Variants in QTMAN observed in about 807,000 individuals in gnomAD.
QTMAN encodes queuosine-tRNA mannosyltransferase.
At chr2:144,024,336 C>T in the QTMAN span, among the ~76,000 whole-genome samples, 1 of 152,198 alleles carries the variant, frequency 6.6e-6, no homozygotes, top group Non-Finnish European at 1.5e-5. Flanking sequence ...AGTACATGCT[C>T]GCTATACAGT....
chr2:144,270,733 G>T, the QTMAN span, among the ~76,000 whole-genome samples: 15 of 152,102 alleles, frequency 9.9e-5, no homozygotes, highest in Admixed American at 5.9e-4. Flanking sequence ...ATGATGGGTT[G>T]ATATAGGGCA....
the QTMAN span, among the ~76,000 whole-genome samples, chr2:144,067,896 C>T: frequency 6.6e-6 from 1 of 152,170 alleles, no homozygotes; most frequent in African/African-American, 2.4e-5. Context: ...GTGAGTGCCA[C>T]CCCCAAAGGG....
chr2:144,100,943 C>T, the QTMAN span, among the ~76,000 whole-genome samples: 1 of 138,700 alleles, frequency 7.2e-6, no homozygotes, highest in Non-Finnish European at 1.5e-5. Context: ...AATCTCAGCT[C>T]ACTGCAAGCT....
At chr2:143,941,086 T>C in the QTMAN span, 2 of 152,208 alleles carry the variant, frequency 1.3e-5, no homozygotes, top group African/African-American at 2.4e-5. Context: ...TGGTCTTGAC[T>C]ACTGCTCAAC....
chr2:144,202,752 G>A, the QTMAN span, among the ~76,000 whole-genome samples: 1 of 152,152 alleles, frequency 6.6e-6, no homozygotes, highest in Non-Finnish European at 1.5e-5. Flanking sequence ...ATATACAGGA[G>A]ATTTATCCTA....
the QTMAN span, among the ~76,000 whole-genome samples, chr2:144,225,071 A>G: frequency 6.6e-6 from 1 of 152,220 alleles, no homozygotes; most frequent in East Asian, 1.9e-4. Context: ...TTCCTTCTAG[A>G]ATTCAAGCTA....
the QTMAN span, among the ~76,000 whole-genome samples, chr2:144,186,322 T>C: frequency 1.3e-5 from 2 of 152,134 alleles, no homozygotes; most frequent in Non-Finnish European, 1.5e-5. Context: ...GATATAAAAA[T>C]CAGGCACTGA....
the QTMAN span, among the ~76,000 whole-genome samples, chr2:144,220,211 T>C: frequency 6.6e-6 from 1 of 152,300 alleles, no homozygotes; most frequent in South Asian, 2.1e-4. Flanking sequence ...AGGCATATTA[T>C]TAGCTACCCA....
the QTMAN span, among the ~76,000 whole-genome samples, chr2:144,064,441 G>T: frequency 6.6e-6 from 1 of 152,094 alleles, no homozygotes; most frequent in Non-Finnish European, 1.5e-5. Flanking sequence ...AATGACATTT[G>T]AGTATTATAA....
the QTMAN span, among the ~76,000 whole-genome samples, chr2:144,293,544 A>T: frequency 3.5e-4 from 53 of 152,318 alleles, no homozygotes; most frequent in East Asian, 0.01. Context: ...ATAGATTTGA[A>T]CATAACTCTA....
chr2:144,293,428 T>C, the QTMAN span, among the ~76,000 whole-genome samples: 6 of 152,238 alleles, frequency 3.9e-5, no homozygotes, highest in African/African-American at 9.6e-5. Flanking sequence ...TACTCTCATG[T>C]AGCTGTACTG....
At chr2:144,317,333 GAATA>G in the QTMAN span, 6 of 134,842 alleles carry the variant, frequency 4.4e-5, no homozygotes, top group Non-Finnish European at 6.1e-5. Flanking sequence ...ATACTAAAAT[GAATA>G]AATTGGTATG....
chr2:144,195,885 C>T, the QTMAN span, among the ~76,000 whole-genome samples: 8 of 151,998 alleles, frequency 5.3e-5, no homozygotes, highest in Non-Finnish European at 1.0e-4. Flanking sequence ...CCTAAAATCA[C>T]TCTTTATAAA....
the QTMAN span, chr2:143,957,398 T>G: frequency 9.9e-7 from 1 of 1,006,340 alleles, no homozygotes; most frequent in Non-Finnish European, 1.4e-6. Flanking sequence ...TGATATGAGA[T>G]GTCAGCAGTG....
At chr2:144,032,943 TTGGTATA>T in the QTMAN span, among the ~76,000 whole-genome samples, 1 of 152,092 alleles carries the variant, frequency 6.6e-6, no homozygotes, top group African/African-American at 2.4e-5. Flanking sequence ...TAGATAGAAT[TTGGTATA>T]TGTTTAGATT....
the QTMAN span, among the ~76,000 whole-genome samples, chr2:144,266,536 T>C: frequency 6.6e-6 from 1 of 152,252 alleles, no homozygotes; most frequent in South Asian, 2.1e-4. Context: ...TGAGACATTG[T>C]ACCAATCGAT....
chr2:144,139,750 G>A, the QTMAN span, among the ~76,000 whole-genome samples: 1 of 152,042 alleles, frequency 6.6e-6, no homozygotes, highest in Non-Finnish European at 1.5e-5. Context: ...TGACAGACAT[G>A]CTCTGAGTTT....
At chr2:144,145,844 C>T in the QTMAN span, 15 of 826,236 alleles carry the variant, frequency 1.8e-5, no homozygotes. Flanking sequence ...AAAACACATC[C>T]CCTATAGGGA....
At chr2:144,326,321 C>T in the QTMAN span, among the ~76,000 whole-genome samples, 3 of 152,144 alleles carry the variant, frequency 2.0e-5, no homozygotes, top group African/African-American at 7.2e-5. Context: ...GGAACGGTGG[C>T]TCACGCCTGT....
Sources: gnomAD v4.1 joint callset for allele counts (sites outside exome capture counted in the v4.1 genomes callset) on GRCh38, gnomAD v4.1.1 for gene constraint, MANE v1.5 for transcripts, NCBI Gene and HGNC (gene_info 2026-07-23, HGNC 2026-07-21) for gene names.